ZRANB1: variants seen among roughly 807,000 people sequenced by gnomAD.
ZRANB1 encodes ubiquitin thioesterase ZRANB1.
ZRANB1 carries 16 observed loss-of-function variants against 80.5 expected under a neutral mutation model. That is an observed-to-expected ratio of 0.20 (90% CI 0.13 to 0.30). The LOEUF (loss-of-function observed/expected upper bound fraction) is 0.30. ZRANB1 is among the 10% of genes least tolerant of loss of function. The pLI, the probability that ZRANB1 is intolerant of heterozygous loss-of-function variation, is 1.00. For synonymous variants in ZRANB1, 291 were observed against 293.1 expected, an observed-to-expected ratio of 0.99 and a Z score of 0.07; for missense variants, 576 against 862.6, an observed-to-expected ratio of 0.67 and a Z score of 4.16.
chr10:124,920,516 T>G, the ZRANB1 span, among the ~76,000 whole-genome samples: 1 of 152,200 alleles, frequency 6.6e-6, no homozygotes, highest in Admixed American at 6.5e-5. Context: ...TCTTCAGTCC[T>G]AACTCTAATT....
chr10:124,951,830 A>G (rs1361977247), intron 1 of ZRANB1, among the ~76,000 whole-genome samples: 2 of 152,032 alleles, frequency 1.3e-5, no homozygotes, highest in African/African-American at 2.4e-5. Flanking sequence ...GGTGGCGGGC[A>G]TCTGTAATCC....
the ZRANB1 span, among the ~76,000 whole-genome samples, chr10:124,919,278 C>G: frequency 6.6e-6 from 1 of 152,214 alleles, no homozygotes; most frequent in African/African-American, 2.4e-5. Flanking sequence ...GGGCCCGTGG[C>G]TCATGCCTAT....
At chr10:124,969,143 C>T (rs1252348800) in intron 2 of ZRANB1, among the ~76,000 whole-genome samples, 3 of 152,166 alleles carry the variant, frequency 2.0e-5, no homozygotes, top group Admixed American at 2.0e-4. Context: ...GGTTTTACCC[C>T]CAACAAGTGA....
At chr10:124,923,427 A>G in the ZRANB1 span, among the ~76,000 whole-genome samples, 1 of 151,418 alleles carries the variant, frequency 6.6e-6, no homozygotes, top group African/African-American at 2.4e-5. Flanking sequence ...CCGTGTCTCT[A>G]CTAAAAATTC....
At chr10:124,922,758 T>A in the ZRANB1 span, among the ~76,000 whole-genome samples, 2 of 152,022 alleles carry the variant, frequency 1.3e-5, no homozygotes, top group Admixed American at 1.3e-4. Context: ...CCCAAAGTGC[T>A]GGGATTACAG....
intron 1 of ZRANB1, among the ~76,000 whole-genome samples, chr10:124,952,254 G>A (rs952332360): frequency 1.3e-5 from 2 of 152,196 alleles, no homozygotes; most frequent in African/African-American, 2.4e-5. Flanking sequence ...TAAATGGCAG[G>A]GTTATCTGGG....
chr10:124,925,845 A>G, the ZRANB1 span, among the ~76,000 whole-genome samples: 1 of 152,178 alleles, frequency 6.6e-6, no homozygotes, highest in Non-Finnish European at 1.5e-5. Flanking sequence ...CGCGTTGCTT[A>G]AATGTTCTGA....
chr10:124,954,869 C>A (rs1951676467), intron 1 of ZRANB1, among the ~76,000 whole-genome samples: 2 of 151,538 alleles, frequency 1.3e-5, no homozygotes, highest in Admixed American at 1.3e-4. Flanking sequence ...GTTTCTCACG[C>A]CTGTAATCCC....
Position 124,986,567 on chromosome 10 carries a change from ATTT to A in ZRANB1, c.*1579_*1581del, listed in dbSNP as rs1203692881. On this transcript the variant is annotated 3_prime_UTR_variant, in exon 9 of 9. Coordinates refer to ENST00000359653, the MANE Select transcript of ZRANB1 (RefSeq NM_017580.3). ...CATGCTAAATCTTGCAGGAAAAATG[ATTT>A]TTTAGTACGATTCTGTAGAAATGAA... The A allele has an allele frequency of 6.6e-6, 1 of 152,176 alleles. No homozygotes were observed. The highest frequency in any genetic ancestry group is 2.4e-5 in the African/African-American group (1 of 41,428). 9.4% of individuals were successfully genotyped at this position (152,176 alleles called of 1,614,324 possible). A position where few individuals can be genotyped will look rare whatever the true frequency, so the allele number is the denominator to read the frequency against.
Position 124,962,379 on chromosome 10 carries a change from G to T in ZRANB1, c.815-4215G>T, listed in dbSNP as rs1951740937. ...GTCACAGCTACCATAGAACTCCAGG[G>T]TAGTGTTGGGCTGGCCCATGTGGGC... On this transcript the variant is annotated intron_variant, in intron 1 of 8. Transcript: ENST00000359653. The T allele has an allele frequency of 1.0e-5, 10 of 985,240 alleles. No individual in the cohort carries two copies. In the South Asian group the frequency reaches 4.7e-4, roughly 46 times the overall value. 61.0% of individuals were successfully genotyped at this position (985,240 alleles called of 1,614,324 possible). A position where few individuals can be genotyped will look rare whatever the true frequency, so the allele number is the denominator to read the frequency against.
chr10:124,943,520 A>G (rs1206827940), intron 1 of ZRANB1, among the ~76,000 whole-genome samples: 1 of 105,996 alleles, frequency 9.4e-6, no homozygotes, highest in Admixed American at 1.2e-4. Flanking sequence ...CGCACATGCA[A>G]AAATGTGAGT....
the ZRANB1 span, among the ~76,000 whole-genome samples, chr10:124,919,910 C>A: frequency 5.7e-5 from 3 of 52,896 alleles, no homozygotes; most frequent in African/African-American, 7.9e-5. Context: ...CGCGCCCGGC[C>A]CCCCCCCCCC....
intron 1 of ZRANB1, among the ~76,000 whole-genome samples, chr10:124,951,666 C>T (rs555316849): frequency 6.6e-6 from 1 of 152,148 alleles, no homozygotes; most frequent in Non-Finnish European, 1.5e-5. Context: ...TTTTTAAAAA[C>T]ACACCATCTG....
At chr10:124,975,960 G>A (rs995069799) in intron 5 of ZRANB1, among the ~76,000 whole-genome samples, 8 of 152,192 alleles carry the variant, frequency 5.3e-5, no homozygotes, top group African/African-American at 9.7e-5. Flanking sequence ...AGCCAAGATC[G>A]TGCCACAGCA....
chr10:124,974,546 A>G, intron 5 of ZRANB1, 148 bp downstream of exon 5: 2 of 759,088 alleles, frequency 2.6e-6, no homozygotes, highest in South Asian at 4.2e-5. Flanking sequence ...TACTTTGAAC[A>G]CGTCCATGGT....
chr10:124,937,169 A>G (rs1182358162), upstream of ZRANB1, among the ~76,000 whole-genome samples: 1 of 148,264 alleles, frequency 6.7e-6, no homozygotes, highest in Non-Finnish European at 1.5e-5. Flanking sequence ...ACTTGAAGAG[A>G]ATTATTTGTG....
In ZRANB1 at chr10:124,973,667, A is replaced by G. The variant is rs1185946112; in HGVS notation, c.1179A>G (p.Thr393=). The G allele has an allele frequency of 6.2e-7, 1 of 1,612,622 alleles. No homozygotes were observed. The highest frequency in any genetic ancestry group is 8.5e-7 in the Non-Finnish European group (1 of 1,179,642). The change falls in exon 4 of 9, where the codon ACA becomes ACG. Residue 393 remains threonine, a synonymous_variant. Coordinates refer to ENST00000359653, the MANE Select transcript of ZRANB1 (RefSeq NM_017580.3). The stretch of plus-strand genomic sequence containing the variant: ...TAGATATTGAAGATTTGCCCCCAAC[A>G]GTCCAAGAAAAATTATTTGATGAGG... ...LPADIEDLPP[T]VQEKLFDEVL...
Position 124,983,132 on chromosome 10 carries a change from G to T in ZRANB1, c.1549-43G>T. ...TGTTTTTTACACATCAGTTTTCCAG[G>T]AGTGGTAATAAATGTTTTAAGTTTT... On this transcript the variant is annotated intron_variant, in intron 6 of 8. Transcript: ENST00000359653. The surrounding 1 kb of genome is among the most constrained non-coding windows in gnomAD (Gnocchi z 6.2). The T allele has an allele frequency of 6.3e-7, 1 of 1,579,176 alleles. No homozygotes were observed. Among genetic ancestry groups the T allele is most frequent in the Non-Finnish European group, 8.6e-7 (1 of 1,163,158 alleles).
chr10:124,925,945 G>A, the ZRANB1 span, among the ~76,000 whole-genome samples: 1 of 152,160 alleles, frequency 6.6e-6, no homozygotes, highest in Non-Finnish European at 1.5e-5. Context: ...CTGCACAGTA[G>A]GCCATGGGTT....
Sources: gnomAD v4.1 joint callset for allele counts (sites outside exome capture counted in the v4.1 genomes callset) on GRCh38, gnomAD v4.1.1 for gene constraint, Gnocchi (gnomAD v3.1) non-coding constraint, MANE v1.5 for transcripts, NCBI Gene and HGNC (gene_info 2026-07-23, HGNC 2026-07-21) for gene names.